The following DSCAML1 variants were observed in gnomAD, a reference collection of about 807,000 sequenced individuals.
DSCAML1 encodes the protein cell adhesion molecule DSCAML1.
Under a neutral mutation model 200.5 loss-of-function variants are expected in DSCAML1, and 38 were observed. The ratio of observed to expected loss-of-function variants is 0.19; its 90% CI spans 0.15 to 0.25. DSCAML1 has a LOEUF of 0.25. Among genes scored for constraint, DSCAML1 ranks in the 10% least tolerant of loss-of-function variants. The pLI is 1.00. For missense variants in DSCAML1, 2,223 were observed against 2,858.8 expected, an observed-to-expected ratio of 0.78 and a Z score of 5.07; for synonymous variants, 1,215 against 1,165.0, an observed-to-expected ratio of 1.04 and a Z score of -0.87.
intron 3 of DSCAML1, among the ~76,000 whole-genome samples, chr11:117,616,863 G>A (rs2051820470): frequency 6.6e-6 from 1 of 152,156 alleles, no homozygotes; most frequent in South Asian, 2.1e-4. Flanking sequence ...AACCGTGATT[G>A]ACTTTAAAAT....
intron 3 of DSCAML1, among the ~76,000 whole-genome samples, chr11:117,709,542 G>A (rs1196870569): frequency 2.0e-5 from 3 of 152,198 alleles, no homozygotes; most frequent in East Asian, 3.9e-4. Flanking sequence ...CGGGGGTTGG[G>A]GGGAGTGCAC....
At chr11:117,770,013 C>A (rs2055008392) in intron 3 of DSCAML1, among the ~76,000 whole-genome samples, 1 of 152,192 alleles carries the variant, frequency 6.6e-6, no homozygotes, top group Admixed American at 6.5e-5. Context: ...TGCCCATTTG[C>A]CTGTGCCTGC....
At chr11:117,696,595 G>A (rs2053589864) in intron 3 of DSCAML1, among the ~76,000 whole-genome samples, 2 of 152,128 alleles carry the variant, frequency 1.3e-5, no homozygotes, top group South Asian at 2.1e-4. Flanking sequence ...GGTGGGTGTA[G>A]ATCCCAGGGA....
At chr11:117,722,680 C>T (rs188840718) in intron 3 of DSCAML1, among the ~76,000 whole-genome samples, 50 of 152,092 alleles carry the variant, frequency 3.3e-4, no homozygotes, top group Admixed American at 2.6e-3. Context: ...AAAAGAAAAA[C>T]GAAACAATAA....
chr11:117,805,440 T>A (rs768698309), intron 1 of DSCAML1, among the ~76,000 whole-genome samples: 2 of 152,238 alleles, frequency 1.3e-5, no homozygotes, highest in African/African-American at 2.4e-5. Context: ...CACAAGTGTT[T>A]CATGAGAAGG....
intron 3 of DSCAML1, among the ~76,000 whole-genome samples, chr11:117,545,300 G>A (rs2050352341): frequency 6.6e-6 from 1 of 151,906 alleles, no homozygotes; most frequent in South Asian, 2.1e-4. Flanking sequence ...AAGGCCATGT[G>A]AGGACACAGC....
At chr11:117,701,174 G>A (rs1205460465) in intron 3 of DSCAML1, among the ~76,000 whole-genome samples, 2 of 152,180 alleles carry the variant, frequency 1.3e-5, no homozygotes, top group African/African-American at 4.8e-5. Flanking sequence ...GCTGAGGCAG[G>A]AGAATTGCTG....
At chr11:117,495,440 C>T (rs2137256639) in intron 11 of DSCAML1, among the ~76,000 whole-genome samples, 1 of 152,290 alleles carries the variant, frequency 6.6e-6, no homozygotes. Flanking sequence ...GCCCAGAGGA[C>T]TAGGCAGGGA....
At position 117,504,844 on chromosome 11, in the gene DSCAML1, A is replaced by G; in HGVS notation, c.2182+80T>C. ...CCAGGGATAGGAGTTGCCTGCATGG[A>G]ACAGGTTCAAATCCCACAGAGCATC... On this transcript the variant is annotated intron_variant, in intron 10 of 32. Transcript: ENST00000651296. This position sits in a 1 kb window ranked among gnomAD's most constrained non-coding sequence, Gnocchi z 5.0. 6.6e-7 allele frequency: 1 copy of G among 1,513,612 alleles called. No homozygotes were observed. Among genetic ancestry groups the G allele is most frequent in the East Asian group, 2.3e-5 (1 of 43,254 alleles). 93.8% of individuals were successfully genotyped at this position (1,513,612 alleles called of 1,614,324 possible).
intron 4 of DSCAML1, among the ~76,000 whole-genome samples, chr11:117,529,762 C>A (rs1031808528): frequency 9.9e-5 from 15 of 152,004 alleles, no homozygotes; most frequent in African/African-American, 3.6e-4. Flanking sequence ...TCGTGCCTGC[C>A]TCTCTGTGGG....
chr11:117,655,400 C>T (rs755677489), intron 3 of DSCAML1, among the ~76,000 whole-genome samples: 8 of 152,234 alleles, frequency 5.3e-5, no homozygotes, highest in Non-Finnish European at 1.0e-4. Flanking sequence ...GTACTTACAA[C>T]AGCCTTATTG....
At chr11:117,495,560 T>C (rs1263048804) in intron 11 of DSCAML1, among the ~76,000 whole-genome samples, 2 of 152,098 alleles carry the variant, frequency 1.3e-5, no homozygotes, top group East Asian at 3.9e-4. Flanking sequence ...ATGAGTCACT[T>C]TAGCGGGGGG....
At chr11:117,626,164 G>A (rs2052039513) in intron 3 of DSCAML1, among the ~76,000 whole-genome samples, 2 of 151,270 alleles carry the variant, frequency 1.3e-5, no homozygotes, top group African/African-American at 4.9e-5. Context: ...AAAATGCCTA[G>A]TGGGCGGTGT....
At chr11:117,438,410 G>A (rs915631153) in intron 24 of DSCAML1, among the ~76,000 whole-genome samples, 20 of 152,058 alleles carry the variant, frequency 1.3e-4, no homozygotes, top group African/African-American at 4.8e-4. Context: ...GCTCACAAGG[G>A]GTCCTGTCTA....
chr11:117,686,233 G>A (rs74430235), intron 3 of DSCAML1, among the ~76,000 whole-genome samples: 6,975 of 152,290 alleles, frequency 0.046, 239 homozygotes, highest in Non-Finnish European at 0.058. Context: ...TTAGAGTTTA[G>A]TAACTCCAGG....
intron 8 of DSCAML1, among the ~76,000 whole-genome samples, chr11:117,515,235 A>G (rs1341619296): frequency 6.6e-6 from 1 of 152,150 alleles, no homozygotes; most frequent in East Asian, 1.9e-4. Context: ...AAGAGACATA[A>G]GCTCTTCAGC....
At chr11:117,704,681 G>A (rs1037514990) in intron 3 of DSCAML1, among the ~76,000 whole-genome samples, 6 of 152,178 alleles carry the variant, frequency 3.9e-5, no homozygotes, top group African/African-American at 1.4e-4. Context: ...ATGTTCTCTT[G>A]TTTCGCTCCA....
chr11:117,633,209 G>C (rs965511866), intron 3 of DSCAML1, among the ~76,000 whole-genome samples: 1 of 152,176 alleles, frequency 6.6e-6, no homozygotes, highest in Non-Finnish European at 1.5e-5. Flanking sequence ...GGTTGTCTGG[G>C]GACAGTGTGT....
chr11:117,484,892 TGTG>T (rs1436536378), intron 11 of DSCAML1, among the ~76,000 whole-genome samples: 8 of 27,274 alleles, frequency 2.9e-4, no homozygotes, highest in Admixed American at 5.1e-4. Flanking sequence ...GAACAGTGTG[TGTG>T]TGTGTGTGTG....
Sources: allele counts gnomAD v4.1 joint callset (sites outside exome capture counted in the v4.1 genomes callset), GRCh38; gene constraint gnomAD v4.1.1; non-coding constraint Gnocchi (gnomAD v3.1); transcripts MANE v1.5; gene names NCBI Gene and HGNC (gene_info 2026-07-23, HGNC 2026-07-21).